The following EIPR1 variants were observed in gnomAD, a reference collection of about 807,000 sequenced individuals.
EIPR1 encodes EARP and GARP complex-interacting protein 1.
Under a neutral mutation model 48.1 loss-of-function variants are expected in EIPR1, and 25 were observed. The observed-to-expected ratio is 0.52, with a 90% CI of 0.38 to 0.73. EIPR1 has a LOEUF of 0.73. Ranked by LOEUF, EIPR1 falls within the 30% of genes least tolerant of loss-of-function variation. The pLI, the probability that EIPR1 is intolerant of heterozygous loss-of-function variation, is 0.00. For synonymous variants in EIPR1, 204 were observed against 201.9 expected, an observed-to-expected ratio of 1.01 and a Z score of -0.09; for missense variants, 415 against 506.2, an observed-to-expected ratio of 0.82 and a Z score of 1.73.
Position 3,228,609 on chromosome 2 carries a change from A to C in EIPR1, c.417-14361T>G, listed in dbSNP as rs145173666. On this transcript the variant is annotated intron_variant, in intron 4 of 8. Transcript: ENST00000382125. ...GTAAGATCTGGGAGGCGGAAGGCGC[A>C]GAATGATATGGTTTGGCTGTGTCCC... Among the ~76,000 whole-genome samples, 1,090 of 152,298 alleles carry C rather than the reference A, an allele frequency of 7.2e-3. 13 individuals carry two copies. The highest frequency in any genetic ancestry group is 0.025 in the African/African-American group (1,054 of 41,558).
intron 3 of EIPR1, 140 bp downstream of exon 3, chr2:3,337,877 G>A: frequency 1.2e-6 from 1 of 844,412 alleles, no homozygotes. Context: ...CAATATCATG[G>A]CTTCTCTGTG....
chr2:3,354,245 G>A (rs1057214903), intron 2 of EIPR1, among the ~76,000 whole-genome samples: 2 of 152,104 alleles, frequency 1.3e-5, no homozygotes, highest in Non-Finnish European at 2.9e-5. Context: ...AAGAAGAAGG[G>A]GTAGTGGTGA....
chr2:3,272,888 C>G (rs935511601), intron 3 of EIPR1, among the ~76,000 whole-genome samples: 16 of 152,156 alleles, frequency 1.1e-4, no homozygotes. Context: ...CGATGAGGTG[C>G]GTCTGTATCT....
At chr2:3,295,926 T>C (rs1486171995) in intron 3 of EIPR1, among the ~76,000 whole-genome samples, 3 of 55,512 alleles carry the variant, frequency 5.4e-5, no homozygotes, top group Admixed American at 4.9e-4. Flanking sequence ...ATCCAGCCCA[T>C]CCTCTCCTTG....
rs1021265433 is a variant in EIPR1, at chr2:3,373,915, C to T, written c.42+3733G>A. Among the ~76,000 whole-genome samples, 9 of 151,754 alleles carry T rather than the reference C, an allele frequency of 5.9e-5. No homozygotes were observed. In the South Asian group the frequency reaches 1.0e-3, roughly 18 times the overall value. On this transcript the variant is annotated intron_variant, in intron 1 of 8. Coordinates refer to ENST00000382125, the MANE Select transcript of EIPR1 (RefSeq NM_003310.5). ...TATGGAACCAAAAAAGAGCCCTCAT[C>T]GCCAAGTCAATCCTAAGCCAAAAGA...
At chr2:3,242,947 C>T (rs963236552) in intron 4 of EIPR1, among the ~76,000 whole-genome samples, 2 of 152,148 alleles carry the variant, frequency 1.3e-5, no homozygotes, top group African/African-American at 4.8e-5. Flanking sequence ...AGTCCCCAGG[C>T]TCCCTTTGAT....
rs143173365 is a variant in EIPR1 at position 3,334,280 on chromosome 2, G to A, written c.259+3737C>T. Reference sequence around the variant, plus strand: ...TCTTTACAAAGAGATTTGTTATAACGAAGTGATGATTTAAGCAATGCCGTC... The same window carrying A: ...TCTTTACAAAGAGATTTGTTATAACAAAGTGATGATTTAAGCAATGCCGTC... On this transcript the variant is annotated intron_variant, in intron 3 of 8. Transcript: ENST00000382125. Among the ~76,000 whole-genome samples, 152 of 152,342 alleles carry A rather than the reference G, an allele frequency of 1.0e-3. 1 individual carries two copies. Among genetic ancestry groups the A allele is most frequent in the African/African-American group, 3.6e-3 (148 of 41,570 alleles).
intron 3 of EIPR1, among the ~76,000 whole-genome samples, chr2:3,316,332 G>A (rs1438304000): frequency 2.0e-5 from 3 of 150,652 alleles, no homozygotes; most frequent in African/African-American, 7.3e-5. Flanking sequence ...CACCTGCCCA[G>A]AGGAACAATC....
At chr2:3,236,855 T>C (rs1666419974) in intron 4 of EIPR1, among the ~76,000 whole-genome samples, 1 of 152,228 alleles carries the variant, frequency 6.6e-6, no homozygotes, top group African/African-American at 2.4e-5. Flanking sequence ...TCTTGAGGTC[T>C]GCACGTGGCC....
chr2:3,360,612 G>A (rs535042277), intron 1 of EIPR1, among the ~76,000 whole-genome samples: 1 of 152,274 alleles, frequency 6.6e-6, no homozygotes, highest in African/African-American at 2.4e-5. Context: ...CATATTAACT[G>A]AGCACACACC....
intron 2 of EIPR1, among the ~76,000 whole-genome samples, chr2:3,348,339 C>A (rs1427440092): frequency 6.6e-6 from 1 of 152,120 alleles, no homozygotes; most frequent in East Asian, 1.9e-4. Flanking sequence ...TCCCAGAGGT[C>A]TCCAGAGGAA....
intron 3 of EIPR1, among the ~76,000 whole-genome samples, chr2:3,317,913 G>A (rs1048480051): frequency 1.3e-5 from 2 of 152,222 alleles, no homozygotes; most frequent in Non-Finnish European, 2.9e-5. Context: ...AGACCCGGGA[G>A]GAAATTAACT....
intron 3 of EIPR1, among the ~76,000 whole-genome samples, chr2:3,270,557 A>G (rs1667674120): frequency 6.6e-6 from 1 of 152,208 alleles, no homozygotes; most frequent in Non-Finnish European, 1.5e-5. Flanking sequence ...AGAGAGTCAT[A>G]TTAATTTTTT....
chr2:3,346,913 T>C (rs966368139), intron 2 of EIPR1, among the ~76,000 whole-genome samples: 3 of 152,190 alleles, frequency 2.0e-5, no homozygotes, highest in Non-Finnish European at 2.9e-5. Flanking sequence ...TCATGTTGAA[T>C]TGTAATCCCC....
chr2:3,275,198 G>T (rs1171879325), intron 3 of EIPR1, among the ~76,000 whole-genome samples: 1 of 150,632 alleles, frequency 6.6e-6, no homozygotes, highest in Non-Finnish European at 1.5e-5. Context: ...ACACAGGAAG[G>T]CAAAGAACAG....
At chr2:3,304,982 C>T (rs1668883783) in intron 3 of EIPR1, among the ~76,000 whole-genome samples, 1 of 124,538 alleles carries the variant, frequency 8.0e-6, no homozygotes, top group Admixed American at 7.8e-5. Flanking sequence ...CACTCCCGTC[C>T]AGTTCAACCC....
chr2:3,336,623 C>T (rs1023797934), intron 3 of EIPR1, among the ~76,000 whole-genome samples: 29 of 152,082 alleles, frequency 1.9e-4, no homozygotes, highest in African/African-American at 6.8e-4. Context: ...TAAAAATTAG[C>T]AGGGCATGGT....
chr2:3,208,432 A>C (rs988155083), intron 5 of EIPR1: 2 of 1,475,130 alleles, frequency 1.4e-6, no homozygotes, highest in Non-Finnish European at 9.0e-7. Flanking sequence ...ACCTTCAGAC[A>C]CTTCCTCTGC....
chr2:3,324,380 T>G (rs1415875087), intron 3 of EIPR1, among the ~76,000 whole-genome samples: 1 of 152,174 alleles, frequency 6.6e-6, no homozygotes, highest in Non-Finnish European at 1.5e-5. Context: ...TCCCAGCTCC[T>G]CCCGGGCAGT....
Sources: allele counts gnomAD v4.1 joint callset (sites outside exome capture counted in the v4.1 genomes callset), GRCh38; gene constraint gnomAD v4.1.1; transcripts MANE v1.5; gene names NCBI Gene and HGNC (gene_info 2026-07-23, HGNC 2026-07-21).